The following AVEN variants were observed in gnomAD, a reference collection of about 807,000 sequenced individuals.
AVEN encodes apoptosis and caspase activation inhibitor, also known as cell death regulator Aven.
Under a neutral mutation model 38.1 loss-of-function variants are expected in AVEN, and 41 were observed. The observed-to-expected ratio is 1.08, with a 90% CI of 0.84 to 1.40. The LOEUF (loss-of-function observed/expected upper bound fraction) is 1.40. AVEN is among the 40% of genes most tolerant of loss of function. AVEN has a pLI of 0.00. For synonymous variants in AVEN, 206 were observed against 171.8 expected (o/e 1.20, Z -1.56); for missense variants, 605 against 438.8 (o/e 1.38, Z -3.38).
At chr15:33,937,497 C>T (rs969667299) in intron 2 of AVEN, among the ~76,000 whole-genome samples, 1 of 151,824 alleles carries the variant, frequency 6.6e-6, no homozygotes, top group African/African-American at 2.4e-5. Flanking sequence ...CACGCCACTG[C>T]ACTCCAGCCT....
At chr15:33,854,683 T>C, downstream of AVEN, 2 of 1,509,584 alleles carry the variant, frequency 1.3e-6, no homozygotes, top group East Asian at 2.3e-5. Flanking sequence ...CCTCAGTGTG[T>C]CTCCCAAAAT....
chr15:33,982,941 T>TCCC (rs56928120), intron 2 of AVEN, among the ~76,000 whole-genome samples: 1 of 151,638 alleles, frequency 6.6e-6, no homozygotes, highest in African/African-American at 2.4e-5. Flanking sequence ...GGGACATGCC[T>TCCC]CCTTCCTACC....
intron 2 of AVEN, among the ~76,000 whole-genome samples, chr15:33,987,377 A>G (rs1363080597): frequency 6.6e-6 from 1 of 152,172 alleles, no homozygotes; most frequent in Non-Finnish European, 1.5e-5. Flanking sequence ...AGGGAAAGGG[A>G]AAGGCCAGGA....
At chr15:34,075,264 C>T (rs545756617), upstream of AVEN, among the ~76,000 whole-genome samples, 4 of 151,786 alleles carry the variant, frequency 2.6e-5, no homozygotes, top group Admixed American at 2.6e-4. Context: ...CACAGTTCCG[C>T]ATGGCTTGGG....
At chr15:33,876,334 G>A (rs546765037) in intron 2 of AVEN, among the ~76,000 whole-genome samples, 1 of 152,338 alleles carries the variant, frequency 6.6e-6, no homozygotes, top group South Asian at 2.1e-4. Flanking sequence ...CACTTTGGGA[G>A]GCTGAGGCGG....
intron 2 of AVEN, among the ~76,000 whole-genome samples, chr15:33,927,582 C>T (rs193140780): frequency 6.6e-6 from 1 of 152,206 alleles, no homozygotes; most frequent in Admixed American, 6.5e-5. Context: ...ACAGAACAAG[C>T]TTCAGGGCTC....
intron 1 of AVEN, among the ~76,000 whole-genome samples, chr15:34,037,109 C>CAA (rs59011779): frequency 1.5e-5 from 2 of 137,692 alleles, no homozygotes; most frequent in Non-Finnish European, 1.6e-5. Context: ...AACTCCGTCT[C>CAA]AAAAAAAAAA....
At chr15:33,892,322 A>G (rs919074963) in intron 2 of AVEN, among the ~76,000 whole-genome samples, 2 of 152,172 alleles carry the variant, frequency 1.3e-5, no homozygotes, top group Non-Finnish European at 2.9e-5. Flanking sequence ...CCTGAATGGT[A>G]TTGCCTAGGT....
At chr15:33,989,846 A>T (rs4780196) in intron 2 of AVEN, among the ~76,000 whole-genome samples, 33,010 of 150,556 alleles carry the variant, frequency 0.22, 4,115 homozygotes, top group Middle Eastern at 0.41. Context: ...ATGAGTCTAA[A>T]AGATAATCAT....
chr15:33,926,139 G>C (rs1215514598), intron 2 of AVEN, among the ~76,000 whole-genome samples: 4 of 152,230 alleles, frequency 2.6e-5, no homozygotes, highest in Middle Eastern at 3.4e-3. Context: ...AATGTGAAAA[G>C]TATTTCCCAG....
chr15:33,884,465 T>C (rs763375599), intron 2 of AVEN, among the ~76,000 whole-genome samples: 30 of 152,270 alleles, frequency 2.0e-4, no homozygotes, highest in Admixed American at 3.9e-4. Context: ...GAAATAAAGG[T>C]GTCGTACCAA....
At chr15:33,904,063 T>C (rs922606456) in intron 2 of AVEN, among the ~76,000 whole-genome samples, 3 of 152,234 alleles carry the variant, frequency 2.0e-5, no homozygotes, top group Non-Finnish European at 4.4e-5. Flanking sequence ...CTGTCGTATA[T>C]GTGGTCCATG....
At chr15:33,897,002 CA>C (rs1359531890) in intron 2 of AVEN, among the ~76,000 whole-genome samples, 1 of 152,144 alleles carries the variant, frequency 6.6e-6, no homozygotes, top group Non-Finnish European at 1.5e-5. Context: ...AACAGACTTC[CA>C]GTAAGTGCAA....
In AVEN at chr15:33,897,210, C is replaced by A. The variant is rs1015560440; in HGVS notation, c.446-21215G>T. Among the ~76,000 whole-genome samples the A allele has an allele frequency of 3.9e-4, 60 of 152,104 alleles. 1 individual carries two copies. The highest frequency in any genetic ancestry group is 1.8e-3 in the Admixed American group (27 of 15,266). On this transcript the variant is annotated intron_variant, in intron 2 of 5. Coordinates refer to ENST00000306730, the MANE Select transcript of AVEN (RefSeq NM_020371.3). The stretch of plus-strand genomic sequence containing the variant: ...ATGTTCTATGTGTTGGTGGTGGTCA[C>A]AGACTACTTACATTTGTAAAAACTG...
At chr15:33,954,937 T>C (rs1894900612) in intron 2 of AVEN, among the ~76,000 whole-genome samples, 1 of 152,182 alleles carries the variant, frequency 6.6e-6, no homozygotes, top group African/African-American at 2.4e-5. Context: ...AAAGGGCCAC[T>C]GGAAGGTACC....
intron 1 of AVEN, among the ~76,000 whole-genome samples, chr15:34,035,140 C>T (rs945022361): frequency 2.0e-5 from 3 of 152,186 alleles, no homozygotes. Context: ...GTATTAATTA[C>T]TACTCAGGCT....
chr15:33,966,388 T>C (rs764163785), intron 2 of AVEN, among the ~76,000 whole-genome samples: 2 of 152,152 alleles, frequency 1.3e-5, no homozygotes, highest in Admixed American at 1.3e-4. Context: ...TTCAGCAAGA[T>C]TTAAAGGACA....
intron 2 of AVEN, among the ~76,000 whole-genome samples, chr15:33,890,025 G>T (rs1305778019): frequency 6.6e-6 from 1 of 152,208 alleles, no homozygotes; most frequent in Non-Finnish European, 1.5e-5. Context: ...AGGTGTCAAG[G>T]CGAGTTCCCT....
At position 33,870,918 on chromosome 15, in the gene AVEN, G is replaced by C. The variant is rs1223934992; in HGVS notation, c.612+17C>G. On this transcript the variant is annotated intron_variant, in intron 4 of 5. Transcript: ENST00000306730. ...TGCCCTAATCCACCCGCTTCAAGAG[G>C]GCTTCGGGATTTTTACCTGGACCAG... is the stretch of plus-strand genomic sequence containing the variant. 1 of 1,599,832 alleles carries C rather than the reference G, an allele frequency of 6.3e-7. No individual in the cohort carries two copies. Among genetic ancestry groups the C allele is most frequent in the Non-Finnish European group, 8.6e-7 (1 of 1,168,516 alleles).
Sources: gnomAD v4.1 joint callset for allele counts (sites outside exome capture counted in the v4.1 genomes callset) on GRCh38, gnomAD v4.1.1 for gene constraint, MANE v1.5 for transcripts, NCBI Gene and HGNC (gene_info 2026-07-23, HGNC 2026-07-21) for gene names.